DLG2: variants seen among roughly 807,000 people sequenced by gnomAD.
DLG2 encodes the protein discs large MAGUK scaffold protein 2.
DLG2 carries 45 observed loss-of-function variants against 132.5 expected under a neutral mutation model. That is an observed-to-expected ratio of 0.34 (90% confidence interval 0.27 to 0.44). The LOEUF is 0.44. DLG2 is among the 20% of genes least tolerant of loss of function. The pLI, the probability that DLG2 is intolerant of heterozygous loss-of-function variation, is 1.00. For synonymous variants in DLG2, 424 were observed against 419.6 expected, an observed-to-expected ratio of 1.01 and a Z score of -0.13; for missense variants, 1,045 against 1,196.9, an observed-to-expected ratio of 0.87 and a Z score of 1.87.
At chr11:85,195,676 A>G (rs2081000667) in intron 4 of DLG2, among the ~76,000 whole-genome samples, 1 of 151,682 alleles carries the variant, frequency 6.6e-6, no homozygotes, top group Non-Finnish European at 1.5e-5. Context: ...GGCGCCCACC[A>G]TCACGCCCAG....
chr11:85,406,955 C>T (rs184248484), intron 3 of DLG2, among the ~76,000 whole-genome samples: 5 of 151,910 alleles, frequency 3.3e-5, no homozygotes, highest in African/African-American at 9.6e-5. Flanking sequence ...AAGCAGATAA[C>T]GTTTAAGCAG....
intron 18 of DLG2, among the ~76,000 whole-genome samples, chr11:83,704,756 G>C (rs1203244867): frequency 6.6e-6 from 1 of 152,062 alleles, no homozygotes; most frequent in Non-Finnish European, 1.5e-5. Flanking sequence ...GAACCTGGAA[G>C]GCGGAGGTGG....
intron 2 of DLG2, among the ~76,000 whole-genome samples, chr11:85,600,933 T>C (rs1201774472): frequency 1.3e-5 from 2 of 152,178 alleles, no homozygotes; most frequent in Non-Finnish European, 2.9e-5. Flanking sequence ...ATTTGTAGCA[T>C]TTGCAATTTC....
chr11:84,071,965 A>G (rs945367388), intron 10 of DLG2, among the ~76,000 whole-genome samples: 2 of 152,218 alleles, frequency 1.3e-5, no homozygotes, highest in African/African-American at 2.4e-5. Flanking sequence ...GCTATATATG[A>G]CTGAGCAGAA....
chr11:84,536,153 A>G (rs2099355126), intron 6 of DLG2, among the ~76,000 whole-genome samples: 1 of 152,136 alleles, frequency 6.6e-6, no homozygotes, highest in Admixed American at 6.5e-5. Flanking sequence ...CAACAAAAAT[A>G]ACAATGCCAT....
At chr11:85,122,951 A>ATATATATATTATATATATATATAT (rs1555376305) in intron 5 of DLG2, among the ~76,000 whole-genome samples, 33 of 33,456 alleles carry the variant, frequency 9.9e-4, no homozygotes, top group South Asian at 4.4e-3. Context: ...TATATATATT[A>ATATATATATTATATATATATATAT]TATATATATA....
At chr11:85,098,854 C>T (rs1021354748) in intron 6 of DLG2, among the ~76,000 whole-genome samples, 1 of 152,090 alleles carries the variant, frequency 6.6e-6, no homozygotes, top group South Asian at 2.1e-4. Flanking sequence ...TATGGACCAG[C>T]CAATGAAATA....
intron 3 of DLG2, among the ~76,000 whole-genome samples, chr11:85,349,607 T>A (rs774759905): frequency 6.6e-6 from 1 of 152,196 alleles, no homozygotes; most frequent in South Asian, 2.1e-4. Flanking sequence ...TTCCCCACCC[T>A]GTGTCCAAGT....
intron 14 of DLG2, 93 bp downstream of exon 14, chr11:83,962,792 G>T: frequency 1.3e-6 from 2 of 1,485,562 alleles, no homozygotes; most frequent in South Asian, 1.3e-5. Context: ...AGAAGCTTTA[G>T]TTAGCATCCA....
intron 6 of DLG2, among the ~76,000 whole-genome samples, chr11:84,725,606 T>C (rs1481553713): frequency 6.6e-6 from 1 of 152,134 alleles, no homozygotes; most frequent in African/African-American, 2.4e-5. Context: ...AAGCTCTTCC[T>C]AACAGTAACA....
At position 84,147,768 on chromosome 11, in the gene DLG2, G is replaced by A. The variant is rs566651984; in HGVS notation, c.624+15693C>T. ...CACATATGTGCACACATATACACAC[G>A]CACACAAAGTAGAAGCATATATTTG... On this transcript the variant is annotated intron_variant, in intron 9 of 27. Coordinates refer to ENST00000376104, the MANE Select transcript of DLG2 (RefSeq NM_001142699.3). Among the ~76,000 whole-genome samples the A allele has an allele frequency of 7.9e-5, 12 of 152,018 alleles. No individual in the cohort carries two copies. In the East Asian group the frequency reaches 1.4e-3, roughly 17 times the overall value.
At chr11:85,347,521 T>C (rs1284880573) in intron 3 of DLG2, among the ~76,000 whole-genome samples, 1 of 152,084 alleles carries the variant, frequency 6.6e-6, no homozygotes, top group East Asian at 1.9e-4. Flanking sequence ...TAGTAATCAT[T>C]TACTGTATGT....
At chr11:83,552,001 T>C (rs1370257900) in intron 19 of DLG2, among the ~76,000 whole-genome samples, 1 of 152,178 alleles carries the variant, frequency 6.6e-6, no homozygotes, top group South Asian at 2.1e-4. Context: ...GCAAATACTT[T>C]TGAGCATTTA....
intron 3 of DLG2, among the ~76,000 whole-genome samples, chr11:85,361,801 T>C (rs761894089): frequency 6.6e-6 from 1 of 152,204 alleles, no homozygotes; most frequent in Non-Finnish European, 1.5e-5. Context: ...TTTTCGTTCC[T>C]TTTGAATTTG....
At chr11:85,615,866 T>A (rs1022652423) in intron 2 of DLG2, among the ~76,000 whole-genome samples, 4 of 151,968 alleles carry the variant, frequency 2.6e-5, no homozygotes, top group African/African-American at 9.7e-5. Flanking sequence ...CCCAAACCAC[T>A]GATGGAAGGG....
chr11:84,145,496 A>G (rs2154244541), intron 9 of DLG2, among the ~76,000 whole-genome samples: 1 of 152,342 alleles, frequency 6.6e-6, no homozygotes, highest in African/African-American at 2.4e-5. Context: ...TTATAATCTT[A>G]TGGGACCACT....
intron 18 of DLG2, among the ~76,000 whole-genome samples, chr11:83,745,523 GC>G (rs1218827460): frequency 6.6e-6 from 1 of 151,980 alleles, no homozygotes; most frequent in African/African-American, 2.4e-5. Flanking sequence ...TTTCTTAAAA[GC>G]CTGTAGCTGA....
rs2064085266 is a variant in DLG2 at position 83,874,199 on chromosome 11, G to GAGAAAGACAGAAAAAAAGAA, written c.1565+220_1565+221insTTCTTTTTTTCTGTCTTTCT. Among the ~76,000 whole-genome samples the GAGAAAGACAGAAAAAAAGAA allele has an allele frequency of 4.2e-5, 6 of 144,030 alleles. No individual in the cohort carries two copies. The Admixed American group carries it at 4.3e-4, about 10-fold the overall frequency. The allele number at this position is 144,030 out of a possible 152,430, so 94.5% of individuals were successfully genotyped here. Reference sequence around the variant, plus strand: ...AAGAGAGAAAAAAGGACAAAAGAAAGAGAAAGAAAGACAGAAAAAAAGAAA... The same window carrying GAGAAAGACAGAAAAAAAGAA: ...AAGAGAGAAAAAAGGACAAAAGAAAGAGAAAGACAGAAAAAAAGAAAGAAAGAAAGACAGAAAAAAAGAAA... On this transcript the variant is annotated intron_variant, in intron 16 of 27. Transcript: ENST00000376104.
chr11:85,504,058 GT>G (rs1437631812), intron 3 of DLG2, among the ~76,000 whole-genome samples: 1 of 152,148 alleles, frequency 6.6e-6, no homozygotes, highest in East Asian at 1.9e-4. Flanking sequence ...TGAGGGGGAT[GT>G]TTGATTTTTT....
Sources: allele counts gnomAD v4.1 joint callset (sites outside exome capture counted in the v4.1 genomes callset), GRCh38; gene constraint gnomAD v4.1.1; transcripts MANE v1.5; gene names NCBI Gene and HGNC (gene_info 2026-07-23, HGNC 2026-07-21).